PLXDC2: variants seen among roughly 807,000 people sequenced by gnomAD.
The protein encoded by PLXDC2 is plexin domain-containing protein 2.
Under a neutral mutation model 68.9 loss-of-function variants are expected in PLXDC2, and 40 were observed. The observed-to-expected ratio is 0.58, with a 90% CI of 0.45 to 0.76. PLXDC2 has a LOEUF of 0.76. Among genes scored for constraint, PLXDC2 ranks in the 30% least tolerant of loss-of-function variants. PLXDC2 has a pLI of 0.00. For synonymous variants in PLXDC2, 243 were observed against 234.2 expected (o/e 1.04, Z -0.34); for missense variants, 644 against 661.9 (o/e 0.97, Z 0.30).
At chr10:19,916,888 T>A (rs898703367) in intron 1 of PLXDC2, among the ~76,000 whole-genome samples, 9 of 152,170 alleles carry the variant, frequency 5.9e-5, no homozygotes, top group Non-Finnish European at 1.3e-4. Context: ...AGAGCAAAAT[T>A]CCATGTGTAT....
intron 1 of PLXDC2, among the ~76,000 whole-genome samples, chr10:19,846,962 C>T (rs1309950227): frequency 6.6e-6 from 1 of 152,076 alleles, no homozygotes; most frequent in African/African-American, 2.4e-5. Flanking sequence ...AGAGCGTGTG[C>T]AGGTGGAGTT....
chr10:20,075,836 A>G (rs906992331), intron 4 of PLXDC2, among the ~76,000 whole-genome samples: 1 of 152,124 alleles, frequency 6.6e-6, no homozygotes, highest in Admixed American at 6.6e-5. Context: ...TGGGTGAAAA[A>G]CATGGTCTCC....
At chr10:20,056,556 C>G (rs545227387) in intron 3 of PLXDC2, among the ~76,000 whole-genome samples, 79 of 152,190 alleles carry the variant, frequency 5.2e-4, no homozygotes, top group Non-Finnish European at 8.1e-4. Flanking sequence ...TACTGTTCTT[C>G]CTGAATCTAG....
Position 20,015,299 on chromosome 10 carries a change from G to GT in PLXDC2, c.324+13322dup, listed in dbSNP as rs970662598. Among the ~76,000 whole-genome samples, 15 of 150,868 alleles carry GT rather than the reference G, an allele frequency of 9.9e-5. No individual in the cohort carries two copies. In the East Asian group the frequency reaches 1.2e-3, roughly 12 times the overall value. Reference sequence around the variant, plus strand: ...TGGCAAGGTTGGAATATACTAAAGTGTTTTTTTTTCCAAAGTCTCTAAAGA... The same window carrying GT: ...TGGCAAGGTTGGAATATACTAAAGTGTTTTTTTTTTCCAAAGTCTCTAAAGA... On this transcript the variant is annotated intron_variant, in intron 2 of 13. Coordinates refer to ENST00000377252, the MANE Select transcript of PLXDC2 (RefSeq NM_032812.9).
chr10:19,906,301 A>G (rs1833157299), intron 1 of PLXDC2, among the ~76,000 whole-genome samples: 1 of 152,216 alleles, frequency 6.6e-6, no homozygotes, highest in Non-Finnish European at 1.5e-5. Flanking sequence ...CACAGATCCC[A>G]GGAGAAGGAG....
rs138407258 is a variant in PLXDC2 at position 20,277,101 on chromosome 10, C to G, written c.1474-2602C>G. Among the ~76,000 whole-genome samples the G allele has an allele frequency of 6.3e-4, 94 of 148,762 alleles. 1 individual carries two copies. Among genetic ancestry groups the G allele is most frequent in the African/African-American group, 2.3e-3 (92 of 40,396 alleles). On this transcript the variant is annotated intron_variant, in intron 13 of 13. Coordinates refer to ENST00000377252, the MANE Select transcript of PLXDC2 (RefSeq NM_032812.9). ...GTGGGCGGCTGTAATCCCAGCTACT[C>G]AGGAGGCTGAGGCAAGAGAATCGCT...
At chr10:20,008,684 GT>G (rs1252865359) in intron 2 of PLXDC2, among the ~76,000 whole-genome samples, 30 of 152,178 alleles carry the variant, frequency 2.0e-4, no homozygotes, top group Non-Finnish European at 5.9e-5. Context: ...GTTTGGCTAT[GT>G]CCCCACCCAA....
chr10:20,229,962 T>C (rs981065895), intron 12 of PLXDC2, among the ~76,000 whole-genome samples: 3 of 152,190 alleles, frequency 2.0e-5, no homozygotes, highest in African/African-American at 2.4e-5. Flanking sequence ...TCAAAATTCA[T>C]TGGAGGAATT....
chr10:19,865,141 C>T (rs935438376), intron 1 of PLXDC2, among the ~76,000 whole-genome samples: 1 of 152,010 alleles, frequency 6.6e-6, no homozygotes, highest in Admixed American at 6.6e-5. Context: ...CTGCATAGAC[C>T]CAGTGATGAA....
intron 1 of PLXDC2, among the ~76,000 whole-genome samples, chr10:19,902,360 G>A (rs1683112990): frequency 1.3e-5 from 2 of 152,102 alleles, no homozygotes; most frequent in South Asian, 4.1e-4. Flanking sequence ...GCAGTGTTTT[G>A]TAGTTTTCCT....
chr10:20,081,477 G>C (rs1836557708), intron 4 of PLXDC2, among the ~76,000 whole-genome samples: 2 of 152,052 alleles, frequency 1.3e-5, no homozygotes, highest in Admixed American at 1.3e-4. Flanking sequence ...AATAATAAAA[G>C]TTGTAACCTC....
In PLXDC2 at chr10:20,189,008, GTT is replaced by G. The variant is rs11349156; in HGVS notation, c.1061+11608_1061+11609del. Among the ~76,000 whole-genome samples, 3 of 118,102 alleles carry G rather than the reference GTT, an allele frequency of 2.5e-5. 1 individual carries two copies. In the Admixed American group the frequency reaches 2.6e-4, roughly 10 times the overall value. The allele number at this position is 118,102 out of a possible 152,430, so 77.5% of individuals were successfully genotyped here. A position where few individuals can be genotyped will look rare whatever the true frequency, so the allele number is the denominator to read the frequency against. On this transcript the variant is annotated intron_variant, in intron 9 of 13. Transcript: ENST00000377252. Reference sequence around the variant, plus strand: ...TTTAGTACAAGACCTTTTATAATCAGTTTTTTTTTTCAAATTTTAATGAAGAA... The same window carrying G: ...TTTAGTACAAGACCTTTTATAATCAGTTTTTTTTCAAATTTTAATGAAGAA...
chr10:20,190,213 C>A (rs956061451), intron 9 of PLXDC2, among the ~76,000 whole-genome samples: 10 of 151,982 alleles, frequency 6.6e-5, no homozygotes, highest in Admixed American at 2.6e-4. Context: ...TAGACTTCAA[C>A]AAATTCAATC....
intron 2 of PLXDC2, among the ~76,000 whole-genome samples, chr10:20,014,090 A>G (rs768771071): frequency 7.9e-5 from 12 of 152,248 alleles, no homozygotes; most frequent in Admixed American, 3.3e-4. Flanking sequence ...TACATTCACT[A>G]TTCCTCAAAA....
At chr10:20,226,549 A>G (rs1252317879) in intron 12 of PLXDC2, among the ~76,000 whole-genome samples, 1 of 152,234 alleles carries the variant, frequency 6.6e-6, no homozygotes, top group Non-Finnish European at 1.5e-5. Flanking sequence ...GTTCAGCCTA[A>G]TAGTTTTACA....
intron 1 of PLXDC2, among the ~76,000 whole-genome samples, chr10:19,881,881 T>C (rs1220470775): frequency 6.6e-6 from 1 of 152,220 alleles, no homozygotes. Context: ...GCAAAGCCCA[T>C]ATTGACAGTG....
rs117183092 is a variant in PLXDC2, at chr10:19,874,584, A to G, written c.112+57393A>G. Among the ~76,000 whole-genome samples the G allele has an allele frequency of 5.1e-3, 775 of 152,358 alleles. 4 individuals carry two copies. Among genetic ancestry groups the G allele is most frequent in the Middle Eastern group, 0.014 (4 of 294 alleles). ...AGTAAAACACAAAAGCACTTAGAAT[A>G]TAAGGTGTCATATGCTTGAGAACAG... On this transcript the variant is annotated intron_variant, in intron 1 of 13. Coordinates refer to ENST00000377252, the MANE Select transcript of PLXDC2 (RefSeq NM_032812.9).
chr10:20,234,770 C>T (rs1037799265), intron 12 of PLXDC2, among the ~76,000 whole-genome samples: 6 of 150,762 alleles, frequency 4.0e-5, no homozygotes, highest in Non-Finnish European at 7.4e-5. Context: ...AGCTATAATG[C>T]GCATCAAACC....
At chr10:20,112,987 G>A (rs1375661348) in intron 4 of PLXDC2, among the ~76,000 whole-genome samples, 2 of 152,184 alleles carry the variant, frequency 1.3e-5, no homozygotes, top group African/African-American at 2.4e-5. Context: ...TTGCCAGTGT[G>A]TGTTCATGCA....
Sources: gnomAD v4.1 joint callset for allele counts (sites outside exome capture counted in the v4.1 genomes callset) on GRCh38, gnomAD v4.1.1 for gene constraint, MANE v1.5 for transcripts, NCBI Gene and HGNC (gene_info 2026-07-23, HGNC 2026-07-21) for gene names.